Variants in RTL4 observed in about 807,000 individuals in gnomAD.
RTL4 encodes retrotransposon Gag-like protein 4.
RTL4 carries 4 observed loss-of-function variants against 5.3 expected under a neutral mutation model. The ratio of observed to expected loss-of-function variants is 0.75; its 90% confidence interval spans 0.37 to 1.72. The LOEUF (loss-of-function observed/expected upper bound fraction) is 1.72, where lower values mean the gene tolerates loss of function less well. RTL4 is among the 40% of genes most tolerant of loss of function. RTL4 has a pLI of 0.04. For missense variants in RTL4, 260 were observed against 227.1 expected (o/e 1.14, Z -0.93); for synonymous variants, 98 against 87.3 (o/e 1.12, Z -0.68).
At chrX:112,342,668 A>G in the RTL4 span, among the ~76,000 whole-genome samples, 3 of 111,789 alleles carry the variant, frequency 2.7e-5, no homozygotes, top group African/African-American at 6.5e-5. Flanking sequence ...TTGAAAGCCA[A>G]TGACAGATAC....
chrX:112,442,296 A>G, the RTL4 span, among the ~76,000 whole-genome samples: 1 of 106,883 alleles, frequency 9.4e-6, no homozygotes, highest in East Asian at 2.9e-4. Context: ...GATGGAGTGC[A>G]GTGGCACAGT....
chrX:112,430,317 C>T, the RTL4 span, among the ~76,000 whole-genome samples: 38 of 110,544 alleles, frequency 3.4e-4, no homozygotes, highest in Non-Finnish European at 5.7e-4. Flanking sequence ...ATTCCATCCT[C>T]TGCTATGTCC....
chrX:112,147,729 A>G, the RTL4 span, among the ~76,000 whole-genome samples: 1 of 112,124 alleles, frequency 8.9e-6, no homozygotes, highest in Admixed American at 9.4e-5. Context: ...ACTTGACGTC[A>G]CGAGTTCAAG....
At chrX:112,393,711 T>G in the RTL4 span, among the ~76,000 whole-genome samples, 3 of 111,821 alleles carry the variant, frequency 2.7e-5, no homozygotes, top group Non-Finnish European at 3.8e-5. Flanking sequence ...GGCGGCAAAC[T>G]CCCTCCCTGT....
At chrX:112,192,148 G>GT in the RTL4 span, among the ~76,000 whole-genome samples, 5,293 of 101,361 alleles carry the variant, frequency 0.052, 460 homozygotes, top group African/African-American at 0.18. Flanking sequence ...CCTTTAATAG[G>GT]TTTTTTTTTG....
At chrX:112,297,588 C>G in the RTL4 span, among the ~76,000 whole-genome samples, 2 of 111,286 alleles carry the variant, frequency 1.8e-5, no homozygotes, top group Non-Finnish European at 1.9e-5. Flanking sequence ...CAGGCCCCAC[C>G]TCCAACACTC....
chrX:112,430,269 A>T, the RTL4 span, among the ~76,000 whole-genome samples: 1 of 110,537 alleles, frequency 9.0e-6, no homozygotes, highest in African/African-American at 3.3e-5. Flanking sequence ...CTTTTTTCAA[A>T]TTGAGAAGTT....
chrX:112,266,339 A>G, the RTL4 span, among the ~76,000 whole-genome samples: 1 of 111,495 alleles, frequency 9.0e-6, no homozygotes, highest in Non-Finnish European at 1.9e-5. Context: ...CAGCATACCA[A>G]TGACTCAGAA....
At chrX:112,368,341 C>T in the RTL4 span, among the ~76,000 whole-genome samples, 3 of 111,677 alleles carry the variant, frequency 2.7e-5, no homozygotes, top group African/African-American at 9.8e-5. Context: ...AGAGATAATG[C>T]CAAATTATCT....
At chrX:112,316,680 C>A in the RTL4 span, among the ~76,000 whole-genome samples, 1 of 112,034 alleles carries the variant, frequency 8.9e-6, no homozygotes, top group Non-Finnish European at 1.9e-5. Flanking sequence ...CCATTGAGTT[C>A]ATTTTTCTAC....
At chrX:112,221,261 C>T in the RTL4 span, among the ~76,000 whole-genome samples, 32 of 111,575 alleles carry the variant, frequency 2.9e-4, no homozygotes, top group South Asian at 0.012. Context: ...CACTCACTAT[C>T]ATAAGAACAG....
chrX:112,168,628 A>G, the RTL4 span, among the ~76,000 whole-genome samples: 2 of 111,779 alleles, frequency 1.8e-5, no homozygotes, highest in Admixed American at 9.5e-5. Flanking sequence ...ATGCTAAAAG[A>G]CACTCCCATC....
the RTL4 span, among the ~76,000 whole-genome samples, chrX:112,217,108 G>A: frequency 9.0e-6 from 1 of 111,724 alleles, no homozygotes; most frequent in African/African-American, 3.2e-5. Context: ...AATGAGAGGG[G>A]AGAATAGATA....
the RTL4 span, among the ~76,000 whole-genome samples, chrX:112,343,023 C>A: frequency 1.6e-4 from 18 of 111,509 alleles, no homozygotes; most frequent in Admixed American, 4.8e-4. Context: ...ATCGCTTGAA[C>A]CCGAGAGGTG....
upstream of RTL4, among the ~76,000 whole-genome samples, chrX:112,453,564 A>AGAAAACATG (rs773200405): frequency 8.9e-6 from 1 of 111,968 alleles, no homozygotes; most frequent in African/African-American, 3.2e-5. Flanking sequence ...GACAGGGACT[A>AGAAAACATG]GAAAGATAGA....
chrX:112,148,010 A>T, the RTL4 span, among the ~76,000 whole-genome samples: 1 of 111,460 alleles, frequency 9.0e-6, no homozygotes, highest in Non-Finnish European at 1.9e-5. Context: ...TTTCTCCACT[A>T]GTTGGAATCA....
At chrX:112,161,825 C>CT in the RTL4 span, among the ~76,000 whole-genome samples, 41 of 42,471 alleles carry the variant, frequency 9.7e-4, no homozygotes, top group African/African-American at 2.2e-3. Flanking sequence ...TCCTTCCTTC[C>CT]TTCCTTCCTT....
the RTL4 span, among the ~76,000 whole-genome samples, chrX:112,439,762 T>A: frequency 2.7e-5 from 3 of 110,366 alleles, no homozygotes; most frequent in African/African-American, 9.9e-5. Flanking sequence ...TTAAAAAGAG[T>A]CTGGCACCTC....
At chrX:112,393,131 TTTTC>T in the RTL4 span, among the ~76,000 whole-genome samples, 11 of 106,073 alleles carry the variant, frequency 1.0e-4, no homozygotes, top group South Asian at 4.0e-4. Flanking sequence ...TTTCTTTTCT[TTTTC>T]TTTCTTTCTT....
Sources: allele counts gnomAD v4.1 joint callset (sites outside exome capture counted in the v4.1 genomes callset), GRCh38; gene constraint gnomAD v4.1.1; transcripts MANE v1.5; gene names NCBI Gene and HGNC (gene_info 2026-07-23, HGNC 2026-07-21).